Variants in SESN1 observed in about 807,000 individuals in gnomAD.
SESN1 encodes the protein sestrin-1.
Under a neutral mutation model 59.3 loss-of-function variants are expected in SESN1, and 30 were observed. The observed-to-expected ratio is 0.51, with a 90% confidence interval of 0.38 to 0.69. SESN1 has a LOEUF of 0.69. Among genes scored for constraint, SESN1 ranks in the 30% least tolerant of loss-of-function variants. The pLI, the probability that SESN1 is intolerant of heterozygous loss-of-function variation, is 0.00. For synonymous variants in SESN1, 197 were observed against 219.9 expected, an observed-to-expected ratio of 0.90 and a Z score of 0.92; for missense variants, 566 against 673.0, an observed-to-expected ratio of 0.84 and a Z score of 1.76.
Position 108,998,559 on chromosome 6 carries a change from T to C in SESN1, c.926A>G (p.Asn309Ser), listed in dbSNP as rs748655496. The change falls in exon 5 of 10, where the codon AAT becomes AGT. Residue 309 changes from asparagine (N) to serine (S), a missense_variant. Physicochemically the swap from Asn to Ser is conservative, Grantham distance 46. Transcript: ENST00000436639. Reference sequence around the variant, plus strand: ...GACCGGCATCTCATCCACACTGTGATTGCCATTTGTAATGTCACAGATGCA... The same window carrying C: ...GACCGGCATCTCATCCACACTGTGACTGCCATTTGTAATGTCACAGATGCA... ...NYCICDITNGNHSVDEMPVNS... is the reference protein window; with the variant it reads ...NYCICDITNGSHSVDEMPVNS... 3.7e-6 allele frequency: 6 copies of C among 1,613,962 alleles called. No homozygotes were observed. Among genetic ancestry groups the C allele is most frequent in the East Asian group, 2.2e-5 (1 of 44,890 alleles).
chr6:109,042,214 G>A (rs370449994), intron 1 of SESN1, among the ~76,000 whole-genome samples: 1 of 151,940 alleles, frequency 6.6e-6, no homozygotes, highest in African/African-American at 2.4e-5. Context: ...GCAGTGCTGA[G>A]AGGGAAATTT....
At chr6:109,068,721 CTT>C (rs752278370) in intron 1 of SESN1, among the ~76,000 whole-genome samples, 23 of 133,406 alleles carry the variant, frequency 1.7e-4, no homozygotes, top group Admixed American at 3.0e-4. Context: ...ATTTCCTGGG[CTT>C]TTTTTTTTTT....
intron 1 of SESN1, among the ~76,000 whole-genome samples, chr6:109,063,172 G>C (rs1468030209): frequency 6.6e-6 from 1 of 152,118 alleles, no homozygotes; most frequent in Non-Finnish European, 1.5e-5. Context: ...CCTGAGAGGG[G>C]AGCATGAATA....
chr6:109,073,770 G>A (rs899623756), intron 1 of SESN1, among the ~76,000 whole-genome samples: 1 of 152,156 alleles, frequency 6.6e-6, no homozygotes, highest in South Asian at 2.1e-4. Flanking sequence ...ATTTCAGAGA[G>A]TACAGTTTAC....
At chr6:109,025,267 C>T (rs953090294) in intron 1 of SESN1, among the ~76,000 whole-genome samples, 8 of 151,884 alleles carry the variant, frequency 5.3e-5, no homozygotes, top group Non-Finnish European at 1.0e-4. Flanking sequence ...CAAGGTGGAT[C>T]ACACATAAGG....
chr6:109,002,104 A>C (rs567016320), intron 2 of SESN1, among the ~76,000 whole-genome samples, 174 bp downstream of exon 2: 1 of 152,330 alleles, frequency 6.6e-6, no homozygotes, highest in South Asian at 2.1e-4. Flanking sequence ...AGAAATCAAC[A>C]CAAGTACAAC....
intron 1 of SESN1, among the ~76,000 whole-genome samples, chr6:109,049,758 T>G (rs1780514125): frequency 6.6e-6 from 1 of 150,730 alleles, no homozygotes; most frequent in Non-Finnish European, 1.5e-5. Context: ...TTGAAATCAT[T>G]ACATATATAT....
At chr6:109,075,224 T>C (rs1284460107) in intron 1 of SESN1, among the ~76,000 whole-genome samples, 2 of 152,156 alleles carry the variant, frequency 1.3e-5, no homozygotes, top group African/African-American at 2.4e-5. Flanking sequence ...AAGGACTCTT[T>C]TCCTAACTCC....
In SESN1 at chr6:109,001,314, G is replaced by A. The variant is rs1437191840; in HGVS notation, c.520C>T (p.His174Tyr). 1 of 1,613,748 alleles carries A rather than the reference G, an allele frequency of 6.2e-7. No homozygotes were observed. Among genetic ancestry groups the A allele is most frequent in the Admixed American group, 1.7e-5 (1 of 60,002 alleles). ...LLQMDGPLPLHYRHYIGIMAA... is the reference protein window; with the variant it reads ...LLQMDGPLPLYYRHYIGIMAA... ...ATTATTCCAATGTAGTGACGATAAT[G>A]TAGGGGTAACGGCCCATCCATTTGC... is the stretch of plus-strand genomic sequence containing the variant. Residue 174 changes from histidine to tyrosine, a missense_variant, in exon 3 of 10, where the codon CAT (histidine) becomes TAT (tyrosine). Coordinates refer to ENST00000436639, the MANE Select transcript of SESN1 (RefSeq NM_014454.3).
intron 1 of SESN1, among the ~76,000 whole-genome samples, chr6:109,042,531 G>A (rs2883970): frequency 0.92 from 136,639 of 148,186 alleles, 63,011 homozygotes; most frequent in African/African-American, 0.95. Context: ...GGATTATTGC[G>A]AAAAAAAAAA....
In SESN1 at chr6:108,989,427, ATATATCTAGATCTAGATACATCTC is replaced by A. The variant is rs1394618165; in HGVS notation, c.1425-764_1425-741del. On this transcript the variant is annotated intron_variant, in intron 8 of 9. Transcript: ENST00000436639. ...GATAGATATCTCTAGATCTAGAGAT[ATATATCTAGATCTAGATACATCTC>A]TATATCTAGAGATATAGAAATATCT... Among the ~76,000 whole-genome samples, 1,313 of 150,458 alleles carry A rather than the reference ATATATCTAGATCTAGATACATCTC, an allele frequency of 8.7e-3. 22 individuals are homozygous for A. The highest frequency in any genetic ancestry group is 0.03 in the African/African-American group (1,244 of 41,364).
At position 109,080,847 on chromosome 6, in the gene SESN1, A is replaced by G. The variant is rs1269616865; in HGVS notation, c.279+12948T>C. Among the ~76,000 whole-genome samples the G allele has an allele frequency of 2.6e-5, 4 of 152,120 alleles. No individual in the cohort carries two copies. The East Asian group carries it at 7.7e-4, about 29-fold the overall frequency. ...CTGAAACATTTTGAGAACTGACACG[A>G]CACCCCAAGTAGAAAAATTCCACAC... is the stretch of plus-strand genomic sequence containing the variant. On this transcript the variant is annotated intron_variant, in intron 1 of 9. Coordinates refer to ENST00000436639, the MANE Select transcript of SESN1 (RefSeq NM_014454.3).
intron 1 of SESN1, among the ~76,000 whole-genome samples, chr6:109,092,806 T>A (rs1781346347): frequency 6.6e-6 from 1 of 152,192 alleles, no homozygotes; most frequent in Non-Finnish European, 1.5e-5. Flanking sequence ...TCCAAAGTGT[T>A]AGTGAGAAGA....
intron 1 of SESN1, chr6:109,009,090 G>A: frequency 1.2e-5 from 10 of 806,604 alleles, no homozygotes; most frequent in Non-Finnish European, 1.3e-5. Context: ...GACCGCGGCC[G>A]CAGTCTCTCC....
chr6:109,017,328 C>T (rs899640097), intron 1 of SESN1, among the ~76,000 whole-genome samples: 1 of 152,120 alleles, frequency 6.6e-6, no homozygotes, highest in African/African-American at 2.4e-5. Context: ...CTCTGTCGCC[C>T]AGGCTGGAGC....
intron 1 of SESN1, among the ~76,000 whole-genome samples, chr6:109,059,239 A>G (rs1013038330): frequency 6.6e-6 from 1 of 152,188 alleles, no homozygotes; most frequent in Non-Finnish European, 1.5e-5. Context: ...CTTTGAAGCT[A>G]GCCAGAGTAC....
chr6:109,066,642 C>T (rs948664629), intron 1 of SESN1, among the ~76,000 whole-genome samples: 5 of 151,862 alleles, frequency 3.3e-5, no homozygotes, highest in Middle Eastern at 6.8e-3. Context: ...ATGTGTGATA[C>T]GAAGTAGAAA....
At chr6:109,049,478 G>A (rs986935476) in intron 1 of SESN1, among the ~76,000 whole-genome samples, 5 of 151,990 alleles carry the variant, frequency 3.3e-5, no homozygotes, top group African/African-American at 1.2e-4. Flanking sequence ...AGCAATGTAG[G>A]ATAACTATAG....
At chr6:109,001,929 TC>T (rs138792749) in intron 2 of SESN1, among the ~76,000 whole-genome samples, 504 of 152,288 alleles carry the variant, frequency 3.3e-3, no homozygotes, top group African/African-American at 9.8e-3. Context: ...AAAGATCCAA[TC>T]TAGCACTGAT....
Sources: allele counts gnomAD v4.1 joint callset (sites outside exome capture counted in the v4.1 genomes callset), GRCh38; gene constraint gnomAD v4.1.1; transcripts MANE v1.5; gene names NCBI Gene and HGNC (gene_info 2026-07-23, HGNC 2026-07-21).